Variants in LIPC observed in about 807,000 individuals in gnomAD.
LIPC encodes hepatic triacylglycerol lipase.
LIPC carries 44 observed loss-of-function variants against 50.7 expected under a neutral mutation model. The observed-to-expected ratio is 0.87, with a 90% CI of 0.68 to 1.11. The LOEUF (loss-of-function observed/expected upper bound fraction) is 1.11. Among genes scored for constraint, LIPC ranks in the 50% most tolerant of loss-of-function variants. The probability of loss-of-function intolerance (pLI) is 0.00; values close to 1 mark genes in which losing one functional copy is unlikely to be tolerated. For missense variants in LIPC, 697 were observed against 648.2 expected (o/e 1.08, Z -0.82); for synonymous variants, 271 against 256.4 (o/e 1.06, Z -0.54).
intron 6 of LIPC, among the ~76,000 whole-genome samples, chr15:58,550,610 G>A (rs1893714833): frequency 6.6e-6 from 1 of 152,066 alleles, no homozygotes; most frequent in African/African-American, 2.4e-5. Context: ...CCTACCCTCA[G>A]GGGGCTCGGT....
At chr15:58,513,804 G>C (rs1426592934) in intron 1 of LIPC, among the ~76,000 whole-genome samples, 1 of 152,176 alleles carries the variant, frequency 6.6e-6, no homozygotes, top group African/African-American at 2.4e-5. Flanking sequence ...CCACTCACAA[G>C]GGGCTGAGAA....
intron 1 of LIPC, among the ~76,000 whole-genome samples, chr15:58,516,171 G>T (rs2140866778): frequency 6.6e-6 from 1 of 151,318 alleles, no homozygotes; most frequent in African/African-American, 2.4e-5. Context: ...CTCGTTTCTG[G>T]GAAGACGTCT....
At chr15:58,559,140 G>A (rs1477420857) in intron 6 of LIPC, among the ~76,000 whole-genome samples, 1 of 152,222 alleles carries the variant, frequency 6.6e-6, no homozygotes, top group Non-Finnish European at 1.5e-5. Context: ...GATTGATGAA[G>A]AGATGAATTT....
At chr15:58,502,509 C>CTTTTTTTTT (rs11332551) in intron 1 of LIPC, among the ~76,000 whole-genome samples, 7 of 144,552 alleles carry the variant, frequency 4.8e-5, no homozygotes, top group Admixed American at 1.4e-4. Flanking sequence ...GTAATTTTCT[C>CTTTTTTTTT]TTTTTTTTTT....
Position 58,555,302 on chromosome 15 carries a change from C to G in LIPC, c.1052-5562C>G, listed in dbSNP as rs16940495. On this transcript the variant is annotated intron_variant, in intron 6 of 8. Transcript: ENST00000299022. ...GCTCAGGGGCCAGACGTTTAGGGGA[C>G]AGGAGAGCGTCCTTTGTGGCAGCGA... 7.2e-3 allele frequency among the ~76,000 whole-genome samples: 1,102 copies of G among 152,236 alleles called. 16 individuals carry two copies. The highest frequency in any genetic ancestry group is 0.025 in the African/African-American group (1,045 of 41,530).
intron 1 of LIPC, among the ~76,000 whole-genome samples, chr15:58,493,669 A>T (rs1349366838): frequency 2.0e-5 from 3 of 147,742 alleles, no homozygotes; most frequent in Admixed American, 1.4e-4. Context: ...AAATTTATAC[A>T]AAATTTATTA....
chr15:58,527,042 G>A lies in LIPC; in HGVS notation c.89-11291G>A, dbSNP rs140916773. Among the ~76,000 whole-genome samples, 474 of 152,322 alleles carry A rather than the reference G, an allele frequency of 3.1e-3. 2 individuals are homozygous for A. The highest frequency in any genetic ancestry group is 8.5e-3 in the African/African-American group (354 of 41,578). On this transcript the variant is annotated intron_variant, in intron 1 of 8. Coordinates refer to ENST00000299022, the MANE Select transcript of LIPC (RefSeq NM_000236.3). ...CCTGGAAACTGTCGGGTACCTGCCC[G>A]TGGTCTGAAGTGGGCAGGCAGCAGT...
intron 1 of LIPC, among the ~76,000 whole-genome samples, chr15:58,441,119 AG>A (rs1369343309): frequency 6.6e-6 from 1 of 152,214 alleles, no homozygotes; most frequent in Non-Finnish European, 1.5e-5. Context: ...AGGCAAGGGC[AG>A]GGGTGGGGCC....
chr15:58,455,210 C>A (rs1040945697), intron 1 of LIPC, among the ~76,000 whole-genome samples: 3 of 152,184 alleles, frequency 2.0e-5, no homozygotes, highest in African/African-American at 7.2e-5. Flanking sequence ...GTTCAGCAAA[C>A]TTTTCTCTGT....
At chr15:58,547,371 G>A (rs1014089481) in intron 5 of LIPC, among the ~76,000 whole-genome samples, 1 of 152,188 alleles carries the variant, frequency 6.6e-6, no homozygotes, top group Non-Finnish European at 1.5e-5. Context: ...TCAAGGAGCT[G>A]CAGTGAAGAT....
intron 1 of LIPC, among the ~76,000 whole-genome samples, chr15:58,527,590 G>A (rs1892832473): frequency 6.6e-6 from 1 of 152,116 alleles, no homozygotes; most frequent in South Asian, 2.1e-4. Context: ...CTTATGGCTG[G>A]GTGGGCACTT....
intron 1 of LIPC, among the ~76,000 whole-genome samples, chr15:58,519,503 C>T (rs1484196130): frequency 6.6e-6 from 1 of 152,164 alleles, no homozygotes; most frequent in Admixed American, 6.5e-5. Context: ...TCTGCTGCCC[C>T]CTCTGCCTCA....
At chr15:58,502,988 C>T (rs7180752) in intron 1 of LIPC, among the ~76,000 whole-genome samples, 3,632 of 148,532 alleles carry the variant, frequency 0.024, 148 homozygotes, top group African/African-American at 0.083. Context: ...GGTGCAAACA[C>T]TTCTATCAGA....
At chr15:58,548,702 AG>A (rs1292321989) in intron 6 of LIPC, 130 bp downstream of exon 6, 3 of 1,286,792 alleles carry the variant, frequency 2.3e-6, no homozygotes, top group African/African-American at 1.5e-5. Context: ...GAAACTGTGC[AG>A]GCTCCAGACA....
chr15:58,559,714 A>AAAAC (rs745313084), intron 6 of LIPC, among the ~76,000 whole-genome samples: 2 of 148,390 alleles, frequency 1.3e-5, no homozygotes, highest in East Asian at 1.9e-4. Flanking sequence ...AAAAAAAAAA[A>AAAAC]AAAAAAAAAA....
intron 5 of LIPC, 43 bp from the exon 6 acceptor site, chr15:58,548,287 T>G: frequency 6.2e-7 from 1 of 1,613,390 alleles, no homozygotes; most frequent in Non-Finnish European, 8.5e-7. Flanking sequence ...TGAGGCTGCT[T>G]TGGGTTAAGG....
At chr15:58,438,732 C>T (rs191341191) in intron 1 of LIPC, among the ~76,000 whole-genome samples, 6 of 152,330 alleles carry the variant, frequency 3.9e-5, no homozygotes, top group African/African-American at 1.4e-4. Context: ...AACATGGTCA[C>T]AAAGTAGCGC....
At chr15:58,484,705 C>A (rs1891307836) in intron 1 of LIPC, among the ~76,000 whole-genome samples, 1 of 12,034 alleles carries the variant, frequency 8.3e-5, no homozygotes, top group African/African-American at 3.0e-4. Flanking sequence ...CTCCAGGGCC[C>A]ACACTCCTAC....
chr15:58,568,813 C>G lies in LIPC; in HGVS notation c.1486C>G (p.Arg496Gly), dbSNP rs371396620. 2 of 1,592,450 alleles carry G rather than the reference C, an allele frequency of 1.3e-6. No individual in the cohort carries two copies. Among genetic ancestry groups the G allele is most frequent in the Non-Finnish European group, 1.7e-6 (2 of 1,162,510 alleles). The stretch of plus-strand genomic sequence containing the variant: ...TGAAATAAAGTCTAAAACATCAAAG[C>G]GAAAGATCAGATGAGATTTAATGAA... ...KCEIKSKTSKRKIR is the reference protein window; with the variant it reads ...KCEIKSKTSKGKIR The change falls in exon 9 of 9, where the codon CGA (arginine) becomes GGA (glycine). Residue 496 changes from arginine to glycine, a missense_variant. Arg to Gly is a moderately radical substitution (Grantham distance 125). Coordinates refer to ENST00000299022, the MANE Select transcript of LIPC (RefSeq NM_000236.3).
Sources: gnomAD v4.1 joint callset for allele counts (sites outside exome capture counted in the v4.1 genomes callset) on GRCh38, gnomAD v4.1.1 for gene constraint, MANE v1.5 for transcripts, NCBI Gene and HGNC (gene_info 2026-07-23, HGNC 2026-07-21) for gene names.